COL22A1: variants seen among roughly 807,000 people sequenced by gnomAD.
COL22A1 encodes collagen type XXII alpha 1 chain.
A neutral mutation model predicts 248.9 loss-of-function variants in COL22A1; 221 were observed. The observed-to-expected ratio is 0.89, with a 90% CI of 0.80 to 0.99. The LOEUF (loss-of-function observed/expected upper bound fraction) is 0.99. Ranked by LOEUF, COL22A1 falls within the 50% of genes least tolerant of loss-of-function variation. COL22A1 has a pLI of 0.00. For missense variants in COL22A1, 2,240 were observed against 2,179.0 expected, an observed-to-expected ratio of 1.03 and a Z score of -0.56; for synonymous variants, 891 against 793.4, an observed-to-expected ratio of 1.12 and a Z score of -2.07.
intron 59 of COL22A1, among the ~76,000 whole-genome samples, chr8:138,602,866 G>C (rs1327017890): frequency 6.6e-6 from 1 of 152,204 alleles, no homozygotes; most frequent in Admixed American, 6.5e-5. Flanking sequence ...CCTCTGGCCA[G>C]TGTCCATTCT....
chr8:138,802,731 A>C, intron 11 of COL22A1, 141 bp downstream of exon 11: 4 of 706,642 alleles, frequency 5.7e-6, no homozygotes, highest in Admixed American at 4.1e-5. Context: ...CTAGGGCTTC[A>C]TCTTGAGGGT....
chr8:138,903,898 C>T (rs560140656), intron 1 of COL22A1, among the ~76,000 whole-genome samples: 12 of 152,184 alleles, frequency 7.9e-5, no homozygotes, highest in African/African-American at 1.9e-4. Context: ...GTTTGGGGGG[C>T]GCTGACGGCC....
chr8:138,784,870 T>G (rs1290434471), intron 12 of COL22A1, among the ~76,000 whole-genome samples: 6 of 152,146 alleles, frequency 3.9e-5, no homozygotes, highest in Non-Finnish European at 7.3e-5. Context: ...TGCCCAAAGT[T>G]ACAGTGCTTA....
At chr8:138,763,565 TG>T (rs1035156043) in intron 16 of COL22A1, among the ~76,000 whole-genome samples, 2 of 152,008 alleles carry the variant, frequency 1.3e-5, no homozygotes, top group South Asian at 2.1e-4. Flanking sequence ...GTGTTCCCAG[TG>T]GGGGTCCTTC....
At chr8:138,661,476 G>A (rs1823952488) in intron 43 of COL22A1, among the ~76,000 whole-genome samples, 1 of 152,140 alleles carries the variant, frequency 6.6e-6, no homozygotes, top group African/African-American at 2.4e-5. Context: ...TATGTGCCTG[G>A]CACGCTGCTG....
At chr8:138,703,644 G>T (rs1828154434) in intron 30 of COL22A1, among the ~76,000 whole-genome samples, 3 of 152,142 alleles carry the variant, frequency 2.0e-5, no homozygotes, top group African/African-American at 7.2e-5. Context: ...TGTGTAAATG[G>T]TAATAAAGTG....
At chr8:138,828,558 T>G (rs1475175436) in intron 5 of COL22A1, among the ~76,000 whole-genome samples, 1 of 152,190 alleles carries the variant, frequency 6.6e-6, no homozygotes, top group Non-Finnish European at 1.5e-5. Flanking sequence ...AGTCTAAGAT[T>G]TAATAAAAAT....
At chr8:138,658,082 T>C (rs1823455543) in intron 44 of COL22A1, among the ~76,000 whole-genome samples, 2 of 152,140 alleles carry the variant, frequency 1.3e-5, no homozygotes, top group East Asian at 1.9e-4. Context: ...GAGAACCTAA[T>C]CTGACACAGA....
At chr8:138,806,287 ATGG>A (rs1287019546) in intron 10 of COL22A1, among the ~76,000 whole-genome samples, 6 of 136,330 alleles carry the variant, frequency 4.4e-5, no homozygotes, top group Non-Finnish European at 3.2e-5. Flanking sequence ...GGTGTGTTTG[ATGG>A]TGTGTGTGTG....
intron 39 of COL22A1, among the ~76,000 whole-genome samples, chr8:138,680,932 C>T (rs981606844): frequency 7.2e-5 from 11 of 152,318 alleles, no homozygotes; most frequent in African/African-American, 1.9e-4. Context: ...CTGAGACTCA[C>T]GGAGTTGAAA....
intron 3 of COL22A1, among the ~76,000 whole-genome samples, chr8:138,867,155 A>C (rs1388338033): frequency 6.6e-6 from 1 of 152,228 alleles, no homozygotes; most frequent in Non-Finnish European, 1.5e-5. Context: ...AGCCATCGAC[A>C]ATACGTTAAC....
chr8:138,596,801 A>G, intron 62 of COL22A1, 103 bp downstream of exon 62: 1 of 1,041,172 alleles, frequency 9.6e-7, no homozygotes, highest in Non-Finnish European at 1.5e-6. Flanking sequence ...GCTGCCGGTC[A>G]AGTGCTTTTC....
intron 60 of COL22A1, among the ~76,000 whole-genome samples, chr8:138,601,752 A>G (rs1238867241): frequency 1.3e-5 from 2 of 152,166 alleles, no homozygotes; most frequent in African/African-American, 2.4e-5. Flanking sequence ...GCAAATTGGC[A>G]CTTCGGGAGC....
At chr8:138,707,771 G>A (rs927705390) in intron 30 of COL22A1, among the ~76,000 whole-genome samples, 6 of 152,148 alleles carry the variant, frequency 3.9e-5, no homozygotes, top group African/African-American at 1.4e-4. Flanking sequence ...ACATAGTGTT[G>A]GAAGTTCTGG....
chr8:138,638,720 A>T (rs1327453714), intron 47 of COL22A1, among the ~76,000 whole-genome samples: 1 of 152,256 alleles, frequency 6.6e-6, no homozygotes, highest in Non-Finnish European at 1.5e-5. Context: ...AAATAAAGGC[A>T]TCACACCCTC....
intron 27 of COL22A1, among the ~76,000 whole-genome samples, chr8:138,719,667 C>T (rs984907650): frequency 7.9e-5 from 12 of 152,202 alleles, no homozygotes; most frequent in African/African-American, 2.7e-4. Context: ...GGCCAGCAAA[C>T]GGATGCCCTG....
At chr8:138,836,920 G>T (rs1329704872) in intron 4 of COL22A1, among the ~76,000 whole-genome samples, 2 of 152,178 alleles carry the variant, frequency 1.3e-5, no homozygotes, top group African/African-American at 4.8e-5. Flanking sequence ...CCAGGTAAAG[G>T]TACGATGCAC....
chr8:138,902,196 G>A (rs1814638948), intron 1 of COL22A1, among the ~76,000 whole-genome samples: 1 of 152,166 alleles, frequency 6.6e-6, no homozygotes, highest in Admixed American at 6.5e-5. Context: ...AGCTTTCGTG[G>A]CAAAGGTGGC....
intron 51 of COL22A1, among the ~76,000 whole-genome samples, chr8:138,625,629 T>C (rs6983378): frequency 0.71 from 107,387 of 152,178 alleles, 41,177 homozygotes; most frequent in Non-Finnish European, 0.85. Context: ...AATCACATTT[T>C]GGAGGATCAT....
Sources: allele counts gnomAD v4.1 joint callset (sites outside exome capture counted in the v4.1 genomes callset), GRCh38; gene constraint gnomAD v4.1.1; transcripts MANE v1.5; gene names NCBI Gene and HGNC (gene_info 2026-07-23, HGNC 2026-07-21).